VPS35L: variants seen among roughly 807,000 people sequenced by gnomAD.
VPS35L encodes the protein VPS35 endosomal protein sorting factor like, also known as VPS35 endosomal protein-sorting factor-like.
In VPS35L, 83 loss-of-function variants were observed where a neutral mutation model predicts 133.0. The ratio of observed to expected loss-of-function variants is 0.62; its 90% CI spans 0.52 to 0.75. VPS35L has a LOEUF of 0.75. Among genes scored for constraint, VPS35L ranks in the 30% least tolerant of loss-of-function variants. The pLI, the probability that VPS35L is intolerant of heterozygous loss-of-function variation, is 0.00. For missense variants in VPS35L, 1,083 were observed against 1,206.8 expected (o/e 0.90, Z 1.52); for synonymous variants, 423 against 449.9 (o/e 0.94, Z 0.76).
rs773202405 is a variant in VPS35L, at chr16:19,616,696, A to C, written c.1112A>C (p.Asp371Ala). 1.2e-6 allele frequency: 2 copies of C among 1,613,746 alleles called. No homozygotes were observed. Among genetic ancestry groups the C allele is most frequent in the South Asian group, 2.2e-5 (2 of 91,052 alleles). The change falls in exon 14 of 31, where the codon GAT becomes GCT. Residue 371 changes from aspartate (D) to alanine (A), a missense_variant. Asp to Ala is a moderately radical substitution (Grantham distance 126). Transcript: ENST00000417362. ...TTTGGCCTCCTGTAGATTCATGGGG[A>C]TACGGTCCAGAACCAGCTGGTGGTC... ...FLLTFKQIHG[D>A]TVQNQLVVQG...
intron 18 of VPS35L, 107 bp from the exon 19 acceptor site, chr16:19,632,985 G>A: frequency 1.2e-6 from 1 of 809,706 alleles, no homozygotes; most frequent in Non-Finnish European, 2.1e-6. Flanking sequence ...TTGATTTCCT[G>A]GAAGGTGTGT....
In VPS35L at chr16:19,700,641, T is replaced by C. The variant is rs532872395; in HGVS notation, c.*165T>C. ...GCCTCTATCCAGGTTATTCTGACAATGAAGAAATGGGAGTTGTCAGAGCAT... is the reference window on the plus strand; with the variant it reads ...GCCTCTATCCAGGTTATTCTGACAACGAAGAAATGGGAGTTGTCAGAGCAT... On this transcript the variant is annotated 3_prime_UTR_variant, in exon 31 of 31. Coordinates refer to ENST00000417362, the MANE Select transcript of VPS35L (RefSeq NM_020314.7). 3.5e-5 allele frequency: 21 copies of C among 603,880 alleles called. No individual in the cohort carries two copies. The highest frequency in any genetic ancestry group is 5.3e-5 in the Non-Finnish European group (18 of 341,910). 37.4% of individuals were successfully genotyped at this position (603,880 alleles called of 1,614,324 possible).
At chr16:19,575,158 T>C in intron 5 of VPS35L, 36 bp downstream of exon 5, 1 of 1,588,916 alleles carries the variant, frequency 6.3e-7, no homozygotes, top group African/African-American at 1.3e-5. Context: ...ATGGGAAAAT[T>C]CTGGCATTAC....
intron 29 of VPS35L, among the ~76,000 whole-genome samples, chr16:19,693,745 C>T (rs1975790742): frequency 6.6e-6 from 1 of 151,830 alleles, no homozygotes; most frequent in African/African-American, 2.4e-5. Context: ...GATCATGTCA[C>T]TGCACTCCAG....
chr16:19,612,956 A>G (rs1339526424), intron 12 of VPS35L, among the ~76,000 whole-genome samples: 2 of 152,194 alleles, frequency 1.3e-5, no homozygotes, highest in Non-Finnish European at 2.9e-5. Flanking sequence ...AGTCCAGGCA[A>G]TGCATTGATT....
intron 8 of VPS35L, among the ~76,000 whole-genome samples, chr16:19,597,061 CAA>C (rs1309560475): frequency 2.7e-5 from 4 of 148,778 alleles, no homozygotes; most frequent in African/African-American, 9.9e-5. Flanking sequence ...AAAACAACAA[CAA>C]AGAAGGGAAG....
intron 29 of VPS35L, among the ~76,000 whole-genome samples, chr16:19,698,530 A>G (rs1975996138): frequency 6.6e-6 from 1 of 152,186 alleles, no homozygotes; most frequent in African/African-American, 2.4e-5. Context: ...ACGGGAAGGA[A>G]TGCTGGGGGA....
At chr16:19,619,379 C>A (rs1475350731) in intron 14 of VPS35L, among the ~76,000 whole-genome samples, 5 of 152,036 alleles carry the variant, frequency 3.3e-5, no homozygotes, top group Admixed American at 2.6e-4. Context: ...TTAAATCAAG[C>A]CAGTATAAAG....
chr16:19,578,948 CT>C, intron 5 of VPS35L, 103 bp from the exon 6 acceptor site: 1 of 923,902 alleles, frequency 1.1e-6, no homozygotes. Context: ...GAATCATTCC[CT>C]TGTGTCTTTA....
chr16:19,576,813 T>C (rs1257957798), intron 5 of VPS35L, among the ~76,000 whole-genome samples: 1 of 152,000 alleles, frequency 6.6e-6, no homozygotes, highest in African/African-American at 2.4e-5. Flanking sequence ...TTCAAGCAAT[T>C]CTCCCACCTC....
intron 4 of VPS35L, among the ~76,000 whole-genome samples, chr16:19,573,680 G>T (rs1971450779): frequency 6.6e-6 from 1 of 152,134 alleles, no homozygotes; most frequent in African/African-American, 2.4e-5. Flanking sequence ...AGGCGTGGTG[G>T]CGGGCACCTG....
chr16:19,691,756 C>G (rs976577258), intron 29 of VPS35L, among the ~76,000 whole-genome samples: 2 of 152,172 alleles, frequency 1.3e-5, no homozygotes, highest in African/African-American at 4.8e-5. Context: ...GCCACCACCA[C>G]CTGCATGCCT....
intron 26 of VPS35L, among the ~76,000 whole-genome samples, chr16:19,662,482 C>G (rs776904533): frequency 2.6e-5 from 4 of 152,178 alleles, no homozygotes; most frequent in Non-Finnish European, 4.4e-5. Context: ...CAGCATTGGC[C>G]TCCATAAGCC....
At chr16:19,569,711 C>G (rs373267230) in intron 3 of VPS35L, 120 bp downstream of exon 3, 2 of 1,109,548 alleles carry the variant, frequency 1.8e-6, no homozygotes, top group African/African-American at 1.6e-5. Context: ...CTCTGTCACC[C>G]AGGCTGGAGT....
At chr16:19,571,058 A>C (rs1184624312) in intron 3 of VPS35L, among the ~76,000 whole-genome samples, 6 of 150,786 alleles carry the variant, frequency 4.0e-5, no homozygotes, top group Non-Finnish European at 7.4e-5. Flanking sequence ...ATTTTAGTAG[A>C]GACGGGGTTT....
At chr16:19,643,233 A>G (rs1042718919) in intron 22 of VPS35L, among the ~76,000 whole-genome samples, 1 of 152,250 alleles carries the variant, frequency 6.6e-6, no homozygotes, top group Non-Finnish European at 1.5e-5. Context: ...TGGAACCGGT[A>G]GACTTTAGTT....
chr16:19,588,352 GA>G lies in VPS35L; in HGVS notation c.640-3437del, dbSNP rs1026350631. Among the ~76,000 whole-genome samples the G allele has an allele frequency of 2.0e-5, 3 of 150,436 alleles. No individual in the cohort carries two copies. The East Asian group carries it at 6.0e-4, about 30-fold the overall frequency. The stretch of plus-strand genomic sequence containing the variant: ...CGGGCATCTGCCACCATGCCCGGCT[GA>G]TTTTTGTATTTTTAGTAGAGATGGG... On this transcript the variant is annotated intron_variant, in intron 7 of 30. Transcript: ENST00000417362.
intron 27 of VPS35L, among the ~76,000 whole-genome samples, chr16:19,670,713 C>T (rs539939918): frequency 1.6e-4 from 25 of 152,266 alleles, no homozygotes; most frequent in Admixed American, 9.8e-4. Context: ...AGGCCACTCC[C>T]GGGACCCAGC....
intron 26 of VPS35L, among the ~76,000 whole-genome samples, chr16:19,653,891 G>A (rs7195836): frequency 1.3e-5 from 2 of 152,006 alleles, no homozygotes; most frequent in Non-Finnish European, 2.9e-5. Flanking sequence ...ACTCGGCTTG[G>A]TTTTGCTTCT....
Sources: allele counts gnomAD v4.1 joint callset (sites outside exome capture counted in the v4.1 genomes callset), GRCh38; gene constraint gnomAD v4.1.1; transcripts MANE v1.5; gene names NCBI Gene and HGNC (gene_info 2026-07-23, HGNC 2026-07-21).